TRPM1: variants seen among roughly 807,000 people sequenced by gnomAD.
TRPM1 encodes the protein TRPM1-203 APA Isoform, Intron 10.
A neutral mutation model predicts 149.4 loss-of-function variants in TRPM1; 113 were observed. The observed-to-expected ratio is 0.76, with a 90% CI of 0.65 to 0.88. The LOEUF is 0.88. Among genes scored for constraint, TRPM1 ranks in the 40% least tolerant of loss-of-function variants. The probability of loss-of-function intolerance (pLI) is 0.00; values close to 1 mark genes in which losing one functional copy is unlikely to be tolerated. For missense variants in TRPM1, 1,976 were observed against 2,038.7 expected, an observed-to-expected ratio of 0.97 and a Z score of 0.59; for synonymous variants, 741 against 759.5, an observed-to-expected ratio of 0.98 and a Z score of 0.40.
At chr15:31,007,953 G>T (rs2032055705) in intron 27 of TRPM1, among the ~76,000 whole-genome samples, 1 of 152,056 alleles carries the variant, frequency 6.6e-6, no homozygotes, top group Non-Finnish European at 1.5e-5. Context: ...TGTGAGAATG[G>T]TATTATTTTA....
chr15:31,070,498 C>T, intron 3 of TRPM1: 1 of 676,772 alleles, frequency 1.5e-6, no homozygotes, highest in South Asian at 1.5e-5. Context: ...TTGATAACAT[C>T]AGTATAAACA....
intron 27 of TRPM1, among the ~76,000 whole-genome samples, chr15:31,006,722 T>C (rs866848439): frequency 1.4e-4 from 22 of 152,224 alleles, no homozygotes; most frequent in African/African-American, 5.3e-4. Context: ...GGCTGTACAA[T>C]TTTTTATTCC....
chr15:31,073,557 TGC>T (rs1251818758), intron 3 of TRPM1, among the ~76,000 whole-genome samples: 2 of 152,168 alleles, frequency 1.3e-5, no homozygotes, highest in Non-Finnish European at 2.9e-5. Context: ...TGATCTTATA[TGC>T]CACAATCTTG....
intron 1 of TRPM1, among the ~76,000 whole-genome samples, chr15:31,121,046 G>C (rs1418024173): frequency 6.6e-6 from 1 of 151,940 alleles, no homozygotes; most frequent in Non-Finnish European, 1.5e-5. Flanking sequence ...GGCCAAGATG[G>C]TGAAACCCCA....
Position 31,037,836 on chromosome 15 carries a change from T to C in TRPM1, c.2446A>G (p.Asn816Asp). ...KEKEEENTDA[N>D]ADAGSRKGDE... ...CCCTTTCTTGAGCCAGCATCTGCAT[T>C]TGCATCCTGGAAAACAGAGCACAGC... is the stretch of plus-strand genomic sequence containing the variant. Residue 816 changes from asparagine to aspartate, a missense_variant, in exon 20 of 28, where the codon AAT (asparagine) becomes GAT (aspartate). By Grantham distance (23) the Asn-to-Asp change is conservative. Transcript: ENST00000256552. 6.2e-7 allele frequency: 1 copy of C among 1,614,100 alleles called. No individual in the cohort carries two copies. Among genetic ancestry groups the C allele is most frequent in the South Asian group, 1.1e-5 (1 of 91,070 alleles).
At chr15:31,029,343 T>C in intron 24 of TRPM1, 28 bp downstream of exon 24, 2 of 1,609,210 alleles carry the variant, frequency 1.2e-6, no homozygotes, top group Non-Finnish European at 8.5e-7. Flanking sequence ...TTCCATAGAC[T>C]AGAATAATCA....
chr15:31,053,351 A>C (rs1467192423), intron 11 of TRPM1, among the ~76,000 whole-genome samples: 1 of 151,782 alleles, frequency 6.6e-6, no homozygotes, highest in African/African-American at 2.4e-5. Context: ...CCCAGGTTCA[A>C]GTGATTCTCC....
intron 3 of TRPM1, among the ~76,000 whole-genome samples, chr15:31,072,097 G>A (rs1282744240): frequency 1.4e-5 from 2 of 147,406 alleles, no homozygotes; most frequent in African/African-American, 5.1e-5. Context: ...CATCATCACA[G>A]TTAATTTTCG....
chr15:31,128,554 C>T (rs2035979701), intron 1 of TRPM1, among the ~76,000 whole-genome samples: 1 of 152,204 alleles, frequency 6.6e-6, no homozygotes, highest in African/African-American at 2.4e-5. Context: ...GTGCCACAAC[C>T]CCCTTCCTGC....
chr15:31,067,005 C>G, intron 6 of TRPM1, 58 bp downstream of exon 6: 1 of 1,603,520 alleles, frequency 6.2e-7, no homozygotes, highest in Non-Finnish European at 8.5e-7. Context: ...TCAACGGTTA[C>G]CTCAAAATCA....
At position 31,084,893 on chromosome 15, in the gene TRPM1, T is replaced by A. The variant is rs2034959728; in HGVS notation, c.-83-3455A>T. 4.0e-5 allele frequency among the ~76,000 whole-genome samples: 6 copies of A among 151,270 alleles called. No individual in the cohort carries two copies. The South Asian group carries it at 1.3e-3, about 32-fold the overall frequency. ...AGTAGAGATGGGTGTTTCACCATGT[T>A]GACCAGGCTGGTCTCGAACTCCTGA... On this transcript the variant is annotated intron_variant, in intron 1 of 27. Coordinates refer to ENST00000256552, the MANE Select transcript of TRPM1 (RefSeq NM_001252024.2).
chr15:31,071,992 TATATATATATATATATATATATATATAG>T (rs2034559105), intron 3 of TRPM1, among the ~76,000 whole-genome samples: 2 of 60,356 alleles, frequency 3.3e-5, no homozygotes, highest in Non-Finnish European at 3.0e-5. Flanking sequence ...TATATATATA[TATATATATATATATATATATATATATAG>T]AGAGAGAGAG....
chr15:31,043,889 G>A (rs1385749058), intron 16 of TRPM1, among the ~76,000 whole-genome samples: 3 of 152,124 alleles, frequency 2.0e-5, no homozygotes, highest in South Asian at 2.1e-4. Flanking sequence ...GCAAAGGCCT[G>A]TCACAAATCA....
chr15:31,103,395 T>C (rs2035553096), upstream of TRPM1, among the ~76,000 whole-genome samples: 1 of 152,194 alleles, frequency 6.6e-6, no homozygotes, highest in Non-Finnish European at 1.5e-5. Flanking sequence ...GAATGTAAAA[T>C]ATACACGGGA....
At chr15:31,088,604 G>A (rs1208923555) in intron 1 of TRPM1, among the ~76,000 whole-genome samples, 3 of 152,310 alleles carry the variant, frequency 2.0e-5, no homozygotes, top group East Asian at 3.9e-4. Flanking sequence ...CCCACCGGAA[G>A]GAAGAAACGT....
At position 31,061,605 on chromosome 15, in the gene TRPM1, G is replaced by T. The variant is rs576509203; in HGVS notation, c.1090-91C>A. 3 of 1,024,896 alleles carry T rather than the reference G, an allele frequency of 2.9e-6. No homozygotes were observed. In the South Asian group the frequency reaches 3.9e-5, roughly 13 times the overall value. The allele number at this position is 1,024,896 out of a possible 1,614,324, so 63.5% of individuals were successfully genotyped here. ...ACAAAATGACCACAGAGACTGACAC[G>T]TAATAAAATGATCCTGAGCACTAAA... On this transcript the variant is annotated intron_variant, in intron 9 of 27. Transcript: ENST00000256552.
chr15:31,043,217 G>A (rs895396974), intron 16 of TRPM1, among the ~76,000 whole-genome samples: 2 of 152,072 alleles, frequency 1.3e-5, no homozygotes, highest in Admixed American at 6.5e-5. Flanking sequence ...TTTTTGAGAC[G>A]GAGTCTCACT....
intron 20 of TRPM1, chr15:31,036,078 C>A (rs1596002750): frequency 3.0e-6 from 1 of 330,662 alleles, no homozygotes; most frequent in Non-Finnish European, 5.9e-6. Context: ...CTGATTCTTT[C>A]CACAACTGGG....
rs1209048746 is a variant in TRPM1 at position 31,115,962 on chromosome 15, G to A, written c.55-38978C>T. Among the ~76,000 whole-genome samples the A allele has an allele frequency of 2.6e-5, 4 of 152,086 alleles. No individual in the cohort carries two copies. The East Asian group carries it at 7.8e-4, about 30-fold the overall frequency. On this transcript the variant is annotated intron_variant, in intron 1 of 26. Transcript: ENST00000542188. ...CAGCTATGTCCTCACATGGTGGAAG[G>A]AGCGAGATAGCTCTCCGGGGCCTCT...
Sources: allele counts gnomAD v4.1 joint callset (sites outside exome capture counted in the v4.1 genomes callset), GRCh38; gene constraint gnomAD v4.1.1; transcripts MANE v1.5; gene names NCBI Gene and HGNC (gene_info 2026-07-23, HGNC 2026-07-21).